Variants in SHROOM3 observed in about 807,000 individuals in gnomAD.
SHROOM3 encodes the protein shroom family member 3.
A neutral mutation model predicts 138.6 loss-of-function variants in SHROOM3; 47 were observed. The observed-to-expected ratio is 0.34, with a 90% confidence interval of 0.27 to 0.43. The LOEUF is 0.43. SHROOM3 is among the 20% of genes least tolerant of loss of function. The pLI, the probability that SHROOM3 is intolerant of heterozygous loss-of-function variation, is 1.00. For missense variants in SHROOM3, 2,491 were observed against 2,596.5 expected (o/e 0.96, Z 0.88); for synonymous variants, 1,062 against 1,063.3 (o/e 1.00, Z 0.02).
chr4:76,466,887 C>T (rs1247618926), intron 1 of SHROOM3, among the ~76,000 whole-genome samples: 2 of 152,026 alleles, frequency 1.3e-5, no homozygotes, highest in African/African-American at 4.8e-5. Context: ...AAAATATAGG[C>T]TTATGAGAAA....
chr4:76,774,364 T>G (rs1011895079), intron 10 of SHROOM3, among the ~76,000 whole-genome samples: 1 of 152,152 alleles, frequency 6.6e-6, no homozygotes, highest in African/African-American at 2.4e-5. Context: ...TTGGTCTTTG[T>G]TAAGAAACTA....
intron 1 of SHROOM3, among the ~76,000 whole-genome samples, chr4:76,523,263 C>T (rs1418917503): frequency 6.6e-6 from 1 of 152,228 alleles, no homozygotes; most frequent in African/African-American, 2.4e-5. Context: ...AAGGACCCCA[C>T]TTACTGGATT....
At chr4:76,591,050 A>G (rs1024740356) in intron 2 of SHROOM3, among the ~76,000 whole-genome samples, 1 of 152,126 alleles carries the variant, frequency 6.6e-6, no homozygotes, top group African/African-American at 2.4e-5. Context: ...TTATAGTTTC[A>G]TATTTTTTCA....
At chr4:76,569,257 A>T (rs914470645) in intron 2 of SHROOM3, among the ~76,000 whole-genome samples, 1 of 152,218 alleles carries the variant, frequency 6.6e-6, no homozygotes. Context: ...CAGGGGGGGA[A>T]ATAAAGCAAT....
intron 2 of SHROOM3, among the ~76,000 whole-genome samples, chr4:76,583,694 C>G (rs1236869150): frequency 6.6e-6 from 1 of 152,144 alleles, no homozygotes; most frequent in South Asian, 2.1e-4. Context: ...CTTCTCGAAG[C>G]CTCAGTTTCC....
intron 2 of SHROOM3, among the ~76,000 whole-genome samples, chr4:76,621,892 C>T (rs1044757751): frequency 2.7e-5 from 4 of 150,130 alleles, no homozygotes; most frequent in South Asian, 2.1e-4. Context: ...TGCAATGACA[C>T]GATCTCCGGC....
chr4:76,697,049 T>C (rs1719758372), intron 2 of SHROOM3, among the ~76,000 whole-genome samples: 1 of 151,828 alleles, frequency 6.6e-6, no homozygotes. Flanking sequence ...CCTGAGTAAC[T>C]AGGACCACAG....
intron 10 of SHROOM3, among the ~76,000 whole-genome samples, chr4:76,773,598 C>T (rs1204273910): frequency 6.6e-6 from 1 of 152,028 alleles, no homozygotes; most frequent in Non-Finnish European, 1.5e-5. Flanking sequence ...AGAAGGGAGC[C>T]CTGATCAGAA....
At chr4:76,575,943 A>C (rs1427682173) in intron 2 of SHROOM3, among the ~76,000 whole-genome samples, 5 of 152,210 alleles carry the variant, frequency 3.3e-5, no homozygotes, top group African/African-American at 1.2e-4. Flanking sequence ...CTACAATGAG[A>C]TATTATATCA....
At chr4:76,513,782 G>C (rs933945746) in intron 1 of SHROOM3, among the ~76,000 whole-genome samples, 1 of 152,218 alleles carries the variant, frequency 6.6e-6, no homozygotes, top group Non-Finnish European at 1.5e-5. Context: ...CAGGCACTGA[G>C]AAAATTCTGA....
At chr4:76,578,569 C>T (rs1299048911) in intron 2 of SHROOM3, among the ~76,000 whole-genome samples, 1 of 152,170 alleles carries the variant, frequency 6.6e-6, no homozygotes. Flanking sequence ...GCAACTATAT[C>T]TGTTATCAGT....
intron 1 of SHROOM3, among the ~76,000 whole-genome samples, chr4:76,490,426 CT>C (rs1042081456): frequency 6.6e-6 from 1 of 150,940 alleles, no homozygotes; most frequent in South Asian, 2.1e-4. Context: ...ATTTTTTTTT[CT>C]TTTTTTTAGT....
chr4:76,591,782 A>G (rs1734278608), intron 2 of SHROOM3, among the ~76,000 whole-genome samples: 1 of 150,988 alleles, frequency 6.6e-6, no homozygotes, highest in Non-Finnish European at 1.5e-5. Flanking sequence ...CCTGACTCAT[A>G]CCCTCTTTGT....
chr4:76,483,340 A>G (rs2109988990), intron 1 of SHROOM3, among the ~76,000 whole-genome samples: 1 of 152,372 alleles, frequency 6.6e-6, no homozygotes, highest in South Asian at 2.1e-4. Flanking sequence ...AGCGAAGCAT[A>G]TGAACAGACA....
At chr4:76,496,971 G>C (rs1178339807) in intron 1 of SHROOM3, among the ~76,000 whole-genome samples, 2 of 152,136 alleles carry the variant, frequency 1.3e-5, no homozygotes, top group Non-Finnish European at 2.9e-5. Context: ...ACCTCTATAA[G>C]GATAAGGCTG....
intron 1 of SHROOM3, among the ~76,000 whole-genome samples, chr4:76,449,907 C>A (rs1473236069): frequency 1.3e-5 from 2 of 152,044 alleles, no homozygotes; most frequent in African/African-American, 4.8e-5. Context: ...AACATATGCT[C>A]TATTAAAAAA....
At chr4:76,736,041 G>A (rs1247717060) in intron 4 of SHROOM3, among the ~76,000 whole-genome samples, 1 of 151,494 alleles carries the variant, frequency 6.6e-6, no homozygotes, top group African/African-American at 2.4e-5. Flanking sequence ...TCAGCAGTTG[G>A]GAGGAGGATT....
At chr4:76,602,488 TC>T (rs1734526792) in intron 2 of SHROOM3, among the ~76,000 whole-genome samples, 1 of 152,162 alleles carries the variant, frequency 6.6e-6, no homozygotes, top group East Asian at 1.9e-4. Context: ...ATTTTTTTTT[TC>T]GTTAGAATTC....
At chr4:76,524,289 C>A (rs1732633151) in intron 1 of SHROOM3, among the ~76,000 whole-genome samples, 1 of 152,036 alleles carries the variant, frequency 6.6e-6, no homozygotes, top group South Asian at 2.1e-4. Context: ...GGGAAAGAGC[C>A]CTATTTCTAC....
Sources: allele counts gnomAD v4.1 joint callset (sites outside exome capture counted in the v4.1 genomes callset), GRCh38; gene constraint gnomAD v4.1.1; transcripts MANE v1.5; gene names NCBI Gene and HGNC (gene_info 2026-07-23, HGNC 2026-07-21).